Variants in LRBA observed in about 807,000 individuals in gnomAD.
LRBA encodes lipopolysaccharide-responsive and beige-like anchor protein.
Under a neutral mutation model 330.0 loss-of-function variants are expected in LRBA, and 176 were observed. The observed-to-expected ratio is 0.53, with a 90% confidence interval of 0.47 to 0.60. The LOEUF (loss-of-function observed/expected upper bound fraction) is 0.60. Among genes scored for constraint, LRBA ranks in the 20% least tolerant of loss-of-function variants. LRBA has a pLI of 0.00. For synonymous variants in LRBA, 1,230 were observed against 1,193.0 expected, an observed-to-expected ratio of 1.03 and a Z score of -0.64; for missense variants, 3,259 against 3,444.8, an observed-to-expected ratio of 0.95 and a Z score of 1.35.
intron 2 of LRBA, among the ~76,000 whole-genome samples, chr4:150,984,378 G>A (rs999851277): frequency 1.3e-5 from 2 of 152,090 alleles, no homozygotes; most frequent in African/African-American, 2.4e-5. Flanking sequence ...GCATGGTGGT[G>A]CATGCCTGTA....
intron 2 of LRBA, chr4:151,012,724 G>A (rs910142706): frequency 2.0e-5 from 3 of 151,608 alleles, no homozygotes; most frequent in African/African-American, 4.9e-5. Context: ...TGTGTCTATA[G>A]GTGTTTATAC....
intron 2 of LRBA, among the ~76,000 whole-genome samples, chr4:151,006,140 G>A (rs1744049092): frequency 1.3e-5 from 2 of 152,088 alleles, no homozygotes; most frequent in Admixed American, 1.3e-4. Flanking sequence ...TCAGGAGTTC[G>A]GGACCAGCCT....
chr4:150,919,978 TAAG>T (rs1561006588), intron 5 of LRBA, among the ~76,000 whole-genome samples: 3 of 151,980 alleles, frequency 2.0e-5, no homozygotes, highest in Non-Finnish European at 4.4e-5. Flanking sequence ...TAGGCTATGA[TAAG>T]AAAGTAAAAT....
At chr4:150,828,767 C>T in intron 29 of LRBA, 146 bp from the exon 30 acceptor site, 9 of 659,674 alleles carry the variant, frequency 1.4e-5, no homozygotes, top group South Asian at 1.3e-4. Flanking sequence ...ATTACGTATT[C>T]TACAGAATGT....
At chr4:150,753,059 CTTCA>C (rs1733769303) in intron 35 of LRBA, among the ~76,000 whole-genome samples, 1 of 152,160 alleles carries the variant, frequency 6.6e-6, no homozygotes, top group African/African-American at 2.4e-5. Context: ...GCCTTTGTCT[CTTCA>C]TTGTCAGTGA....
intron 37 of LRBA, among the ~76,000 whole-genome samples, chr4:150,614,130 G>A (rs1313523014): frequency 6.6e-6 from 1 of 152,150 alleles, no homozygotes; most frequent in Non-Finnish European, 1.5e-5. Context: ...TTAGACTCTT[G>A]CTAATACCAT....
intron 37 of LRBA, among the ~76,000 whole-genome samples, chr4:150,648,366 G>A (rs1779403511): frequency 6.6e-6 from 1 of 151,772 alleles, no homozygotes; most frequent in Non-Finnish European, 1.5e-5. Flanking sequence ...AACAGGTTGA[G>A]GCCGCAGAAA....
chr4:150,977,797 T>C (rs1396991717), intron 2 of LRBA, among the ~76,000 whole-genome samples: 2 of 152,278 alleles, frequency 1.3e-5, no homozygotes, highest in African/African-American at 2.4e-5. Flanking sequence ...TGGTGGCTAG[T>C]GGGAGATGCT....
chr4:150,396,464 C>A (rs1382140054), intron 47 of LRBA, among the ~76,000 whole-genome samples: 1 of 135,570 alleles, frequency 7.4e-6, no homozygotes, highest in Non-Finnish European at 1.6e-5. Flanking sequence ...TGCCAATTCC[C>A]ATAATAAATC....
chr4:150,489,239 C>A lies in LRBA; in HGVS notation c.6449-1405G>T, dbSNP rs868572272. 4.5e-3 allele frequency among the ~76,000 whole-genome samples: 231 copies of A among 51,678 alleles called. 5 individuals carry two copies. The highest frequency in any genetic ancestry group is 9.5e-3 in the African/African-American group (107 of 11,236). The allele number at this position is 51,678 out of a possible 152,430, so 33.9% of individuals were successfully genotyped here. ...ACGAATATATAATATATTATATATACGAATATATAATATATTATATATAAG... is the reference window on the plus strand; with the variant it reads ...ACGAATATATAATATATTATATATAAGAATATATAATATATTATATATAAG... On this transcript the variant is annotated intron_variant, in intron 41 of 56. Transcript: ENST00000651943.
At chr4:150,974,881 A>G (rs1420595066) in intron 2 of LRBA, among the ~76,000 whole-genome samples, 1 of 152,228 alleles carries the variant, frequency 6.6e-6, no homozygotes, top group African/African-American at 2.4e-5. Context: ...ACCCAAAAAA[A>G]AAGCAAGGCA....
intron 48 of LRBA, among the ~76,000 whole-genome samples, chr4:150,345,009 G>GT (rs1736097401): frequency 6.6e-6 from 1 of 152,054 alleles, no homozygotes; most frequent in South Asian, 2.1e-4. Context: ...CTCTGTGTAG[G>GT]TAACTTCTGC....
At chr4:150,806,811 T>C (rs541101722) in intron 32 of LRBA, among the ~76,000 whole-genome samples, 7 of 152,144 alleles carry the variant, frequency 4.6e-5, no homozygotes, top group Admixed American at 2.6e-4. Flanking sequence ...TTCACAGTTA[T>C]AGCATATAGT....
intron 30 of LRBA, among the ~76,000 whole-genome samples, chr4:150,823,288 T>G (rs1010867377): frequency 6.6e-6 from 1 of 152,180 alleles, no homozygotes; most frequent in Non-Finnish European, 1.5e-5. Context: ...TAGTAATATT[T>G]TTAAATTATT....
At chr4:150,513,418 C>G (rs759287988) in intron 40 of LRBA, among the ~76,000 whole-genome samples, 3 of 152,200 alleles carry the variant, frequency 2.0e-5, no homozygotes, top group Non-Finnish European at 2.9e-5. Context: ...TTTAGGTTCT[C>G]TACAGTTGAG....
intron 22 of LRBA, among the ~76,000 whole-genome samples, chr4:150,859,638 G>A (rs1226217898): frequency 6.6e-6 from 1 of 152,160 alleles, no homozygotes; most frequent in Non-Finnish European, 1.5e-5. Context: ...CTGGAGGAGA[G>A]GCATATAGTG....
chr4:150,426,268 A>T (rs1436511612), intron 46 of LRBA, among the ~76,000 whole-genome samples: 2 of 152,162 alleles, frequency 1.3e-5, no homozygotes, highest in Admixed American at 6.5e-5. Context: ...AAATTGGAAA[A>T]GAAAAAATAA....
intron 37 of LRBA, among the ~76,000 whole-genome samples, chr4:150,682,470 A>G (rs1162999538): frequency 6.6e-6 from 1 of 152,186 alleles, no homozygotes; most frequent in Admixed American, 6.5e-5. Flanking sequence ...TCTTTCTCTG[A>G]ATATCAAAAA....
chr4:150,574,617 C>G (rs1439702805), intron 40 of LRBA, among the ~76,000 whole-genome samples: 1 of 151,950 alleles, frequency 6.6e-6, no homozygotes, highest in Non-Finnish European at 1.5e-5. Flanking sequence ...TTTTATCTAT[C>G]CAGGTATTCT....
Sources: allele counts gnomAD v4.1 joint callset (sites outside exome capture counted in the v4.1 genomes callset), GRCh38; gene constraint gnomAD v4.1.1; transcripts MANE v1.5; gene names NCBI Gene and HGNC (gene_info 2026-07-23, HGNC 2026-07-21).